NELL2: variants seen among roughly 807,000 people sequenced by gnomAD.
The protein encoded by NELL2 is protein kinase C-binding protein NELL2.
NELL2 carries 41 observed loss-of-function variants against 109.6 expected under a neutral mutation model. The ratio of observed to expected loss-of-function variants is 0.37; its 90% CI spans 0.29 to 0.49. NELL2 has a LOEUF of 0.49. Ranked by LOEUF, NELL2 falls within the 20% of genes least tolerant of loss-of-function variation. The pLI is 0.98. For synonymous variants in NELL2, 355 were observed against 344.7 expected (o/e 1.03, Z -0.33); for missense variants, 900 against 1,008.3 (o/e 0.89, Z 1.45).
intron 8 of NELL2, 135 bp downstream of exon 8, chr12:44,775,887 C>A (rs1941738314): frequency 1.1e-6 from 1 of 887,662 alleles, no homozygotes; most frequent in Non-Finnish European, 1.7e-6. Flanking sequence ...TAGATATGAC[C>A]AGGTTTGTTG....
intron 13 of NELL2, among the ~76,000 whole-genome samples, chr12:44,616,951 T>C (rs1323608774): frequency 6.6e-6 from 1 of 152,174 alleles, no homozygotes; most frequent in African/African-American, 2.4e-5. Flanking sequence ...CCTCAGTACT[T>C]TAGCAATATA....
intron 2 of NELL2, among the ~76,000 whole-genome samples, chr12:44,833,347 C>T (rs996112973): frequency 2.0e-5 from 3 of 151,738 alleles, no homozygotes; most frequent in African/African-American, 7.3e-5. Flanking sequence ...AGTTCTCTCC[C>T]TTTCATGATA....
intron 2 of NELL2, among the ~76,000 whole-genome samples, chr12:44,841,093 G>A (rs537711023): frequency 1.5e-4 from 23 of 152,264 alleles, no homozygotes; most frequent in South Asian, 1.2e-3. Context: ...TCAGTAGACT[G>A]ATGCACACCT....
chr12:44,683,190 G>A (rs182610446), intron 12 of NELL2, among the ~76,000 whole-genome samples: 90 of 152,176 alleles, frequency 5.9e-4, no homozygotes, highest in South Asian at 1.2e-3. Context: ...AATTGTGAAC[G>A]GGAGTTCACT....
At chr12:44,919,615 C>T (rs1016738781) in intron 1 of NELL2, among the ~76,000 whole-genome samples, 22 of 151,976 alleles carry the variant, frequency 1.4e-4, no homozygotes, top group African/African-American at 4.8e-4. Flanking sequence ...GCTGTGTGAA[C>T]GTGAAGGTAG....
At chr12:44,825,816 C>T (rs990510978) in intron 2 of NELL2, among the ~76,000 whole-genome samples, 12 of 151,502 alleles carry the variant, frequency 7.9e-5, no homozygotes, top group Middle Eastern at 3.4e-3. Context: ...GAGGCCGAGG[C>T]GAGTGGATCA....
At chr12:44,885,189 G>T (rs879666328) in intron 1 of NELL2, among the ~76,000 whole-genome samples, 2 of 151,892 alleles carry the variant, frequency 1.3e-5, no homozygotes, top group African/African-American at 2.4e-5. Flanking sequence ...TGAGGCAGAA[G>T]AATTGCTTGA....
chr12:44,759,531 C>A (rs1457350334), intron 9 of NELL2, among the ~76,000 whole-genome samples: 1 of 152,192 alleles, frequency 6.6e-6, no homozygotes. Flanking sequence ...TGAACTGACA[C>A]ACCAGCTAAC....
chr12:44,615,781 A>C (rs1314908799), intron 13 of NELL2, among the ~76,000 whole-genome samples: 3 of 152,140 alleles, frequency 2.0e-5, no homozygotes, highest in Non-Finnish European at 4.4e-5. Flanking sequence ...ACCATCTAAA[A>C]GGAGTCTTAT....
chr12:44,876,666 G>A (rs1478260786), upstream of NELL2: 6 of 1,551,346 alleles, frequency 3.9e-6, no homozygotes, highest in Middle Eastern at 3.4e-4. Flanking sequence ...CCCAGCTGCA[G>A]GAGGCAAGGC....
Position 44,779,833 on chromosome 12 carries a change from A to G in NELL2, c.509+16T>C. ...TTAGAATCTTCCATTTCCTAAAATG[A>G]GGACACTACACTTACTTATTGCAGT... is the stretch of plus-strand genomic sequence containing the variant. On this transcript the variant is annotated intron_variant, in intron 4 of 19. Transcript: ENST00000429094. 1 of 1,613,598 alleles carries G rather than the reference A, an allele frequency of 6.2e-7. No homozygotes were observed. The highest frequency in any genetic ancestry group is 8.5e-7 in the Non-Finnish European group (1 of 1,179,536).
intron 9 of NELL2, among the ~76,000 whole-genome samples, chr12:44,740,071 G>C (rs144139867): frequency 3.9e-5 from 6 of 152,134 alleles, no homozygotes; most frequent in African/African-American, 4.8e-5. Context: ...CAGAACAAAC[G>C]TACATACCAC....
At chr12:44,598,173 A>G (rs1238193653) in intron 15 of NELL2, among the ~76,000 whole-genome samples, 2 of 151,924 alleles carry the variant, frequency 1.3e-5, no homozygotes, top group African/African-American at 4.8e-5. Flanking sequence ...CAAAAAAAAA[A>G]AAAAAAAAAA....
Position 44,875,744 on chromosome 12 carries a change from C to A in NELL2, c.55+71G>T, listed in dbSNP as rs374183776. 4.6e-5 allele frequency: 74 copies of A among 1,610,750 alleles called. No individual in the cohort carries two copies. The East Asian group carries it at 5.8e-4, about 13-fold the overall frequency. ...TTTGGGTCCGGGAAAAGCGAGGCTT[C>A]CCCAGCCAGCCCATGCTGCCCCGAG... On this transcript the variant is annotated intron_variant, in intron 1 of 19. Coordinates refer to ENST00000429094, the MANE Select transcript of NELL2 (RefSeq NM_001145108.2).
At chr12:44,796,842 T>C (rs752275225) in intron 3 of NELL2, among the ~76,000 whole-genome samples, 11 of 152,084 alleles carry the variant, frequency 7.2e-5, no homozygotes, top group Non-Finnish European at 1.3e-4. Flanking sequence ...CAACCTATCT[T>C]ATTACCCTAC....
At chr12:44,760,766 A>G (rs1371358098) in intron 9 of NELL2, among the ~76,000 whole-genome samples, 1 of 152,184 alleles carries the variant, frequency 6.6e-6, no homozygotes, top group African/African-American at 2.4e-5. Context: ...GTTTAAATTT[A>G]AAATAAAAAA....
At chr12:44,547,394 T>A (rs1179089066) in intron 15 of NELL2, among the ~76,000 whole-genome samples, 1 of 152,186 alleles carries the variant, frequency 6.6e-6, no homozygotes, top group East Asian at 1.9e-4. Context: ...AAATTCTGAA[T>A]GTCATGGAAA....
intron 14 of NELL2, among the ~76,000 whole-genome samples, chr12:44,609,114 T>C (rs1945514284): frequency 6.6e-6 from 1 of 151,860 alleles, no homozygotes; most frequent in South Asian, 2.1e-4. Flanking sequence ...GTGTTTGTTT[T>C]TTGTTTTGTT....
chr12:44,571,943 A>G (rs1555178085), intron 15 of NELL2, among the ~76,000 whole-genome samples: 1 of 152,196 alleles, frequency 6.6e-6, no homozygotes, highest in Non-Finnish European at 1.5e-5. Context: ...GTATACAATA[A>G]GCACAATAAG....
Sources: allele counts gnomAD v4.1 joint callset (sites outside exome capture counted in the v4.1 genomes callset), GRCh38; gene constraint gnomAD v4.1.1; transcripts MANE v1.5; gene names NCBI Gene and HGNC (gene_info 2026-07-23, HGNC 2026-07-21).